The following MXI1 variants were observed in gnomAD, a reference collection of about 807,000 sequenced individuals.
The protein encoded by MXI1 is max-interacting protein 1.
In MXI1, 18 loss-of-function variants were observed where a neutral mutation model predicts 36.9. The ratio of observed to expected loss-of-function variants is 0.49; its 90% confidence interval spans 0.34 to 0.72. MXI1 has a LOEUF of 0.72. MXI1 is among the 30% of genes least tolerant of loss of function. The pLI is 0.01. For synonymous variants in MXI1, 160 were observed against 146.7 expected, an observed-to-expected ratio of 1.09 and a Z score of -0.65; for missense variants, 304 against 379.1, an observed-to-expected ratio of 0.80 and a Z score of 1.64.
At chr10:110,231,362 ACC>A (rs201426609) in intron 2 of MXI1, among the ~76,000 whole-genome samples, 18 of 127,504 alleles carry the variant, frequency 1.4e-4, no homozygotes, top group African/African-American at 2.6e-4. Context: ...GTGATAATCC[ACC>A]CCCCCCCCCT....
chr10:110,253,504 G>GT (rs996038170), intron 3 of MXI1, among the ~76,000 whole-genome samples: 1 of 152,004 alleles, frequency 6.6e-6, no homozygotes, highest in Non-Finnish European at 1.5e-5. Context: ...AAAGGGCATA[G>GT]TTTTTTTACA....
chr10:110,280,100 T>G lies in MXI1; in HGVS notation c.724+15T>G. 6.4e-7 allele frequency: 1 copy of G among 1,567,394 alleles called. No homozygotes were observed. Among genetic ancestry groups the G allele is most frequent in the Non-Finnish European group, 8.6e-7 (1 of 1,157,654 alleles). ...TTCAGAGCGAGGTAGGCAGCTTGCC[T>G]CTTCTCTAATGAAATACTAAACATC... On this transcript the variant is annotated intron_variant, in intron 5 of 5. Transcript: ENST00000332674.
chr10:110,255,216 C>T (rs962097348), intron 3 of MXI1, among the ~76,000 whole-genome samples: 1 of 152,142 alleles, frequency 6.6e-6, no homozygotes, highest in Admixed American at 6.5e-5. Context: ...TGCCTGTGCT[C>T]TGTAAATGGA....
intron 1 of MXI1, among the ~76,000 whole-genome samples, chr10:110,222,350 T>A (rs1203615000): frequency 6.6e-6 from 1 of 152,122 alleles, no homozygotes; most frequent in Non-Finnish European, 1.5e-5. Flanking sequence ...CACAGTAACT[T>A]TGGACTTGTA....
rs16448 is a variant in MXI1, at chr10:110,285,084, TAAAAC to T, written c.*118_*122del. 0.44 allele frequency: 394,354 copies of T among 900,356 alleles called. 107,123 individuals carry two copies. Among genetic ancestry groups the T allele is most frequent in the East Asian group, 0.82 (26,924 of 32,882 alleles). 55.8% of individuals were successfully genotyped at this position (900,356 alleles called of 1,614,324 possible). On this transcript the variant is annotated 3_prime_UTR_variant, in exon 6 of 6. Coordinates refer to ENST00000332674, the MANE Select transcript of MXI1 (RefSeq NM_130439.3). ...TGGGTTCATGATGCAGTCTCCTCTT[TAAAAC>T]AAAACAAAACAAAACAAAACTATAC...
chr10:110,210,641 C>T (rs574957635), intron 1 of MXI1, among the ~76,000 whole-genome samples: 1 of 152,330 alleles, frequency 6.6e-6, no homozygotes, highest in South Asian at 2.1e-4. Flanking sequence ...TATCCCACCC[C>T]CTCTCCTCCC....
In MXI1 at chr10:110,261,684, A is replaced by G. The variant is rs567920403; in HGVS notation, c.437+16827A>G. Among the ~76,000 whole-genome samples, 6 of 152,168 alleles carry G rather than the reference A, an allele frequency of 3.9e-5. No homozygotes were observed. In the South Asian group the frequency reaches 6.2e-4, roughly 16 times the overall value. ...ATATCTCCCATCTCCTAGTCTAAAG[A>G]TATTTCCAGTATACCATTGTGACTC... On this transcript the variant is annotated intron_variant, in intron 3 of 5. Transcript: ENST00000332674.
chr10:110,209,563 T>C (rs1272644217), intron 1 of MXI1, among the ~76,000 whole-genome samples: 2 of 151,982 alleles, frequency 1.3e-5, no homozygotes, highest in Admixed American at 1.3e-4. Context: ...TTCTTTTCTT[T>C]CTCTTCTCGC....
chr10:110,211,396 T>G (rs1220845597), intron 1 of MXI1, among the ~76,000 whole-genome samples: 1 of 152,166 alleles, frequency 6.6e-6, no homozygotes, highest in Non-Finnish European at 1.5e-5. Context: ...GGAGCTGTAG[T>G]GCGGCCAGCT....
rs1857423665 is a variant in MXI1 at position 110,286,282 on chromosome 10, A to T, written c.*1295A>T. On this transcript the variant is annotated 3_prime_UTR_variant, in exon 6 of 6. Coordinates refer to ENST00000332674, the MANE Select transcript of MXI1 (RefSeq NM_130439.3). Reference sequence around the variant, plus strand: ...CTCACAGTCCCACTGTGCAGGTGCTATTGTTACTCTTACGAATATTTTCAG... The same window carrying T: ...CTCACAGTCCCACTGTGCAGGTGCTTTTGTTACTCTTACGAATATTTTCAG... 6.6e-6 allele frequency: 1 copy of T among 152,630 alleles called. No homozygotes were observed. The highest frequency in any genetic ancestry group is 1.9e-4 in the East Asian group (1 of 5,176). The allele number at this position is 152,630 out of a possible 1,614,324, so 9.5% of individuals were successfully genotyped here. A position where few individuals can be genotyped will look rare whatever the true frequency, so the allele number is the denominator to read the frequency against.
intron 1 of MXI1, among the ~76,000 whole-genome samples, chr10:110,209,593 G>T (rs1002460227): frequency 6.6e-6 from 1 of 152,210 alleles, no homozygotes; most frequent in Non-Finnish European, 1.5e-5. Context: ...CGGAGTGCCT[G>T]GGTTGCGAGA....
chr10:110,270,710 A>G (rs1856827528), intron 3 of MXI1, among the ~76,000 whole-genome samples: 1 of 152,032 alleles, frequency 6.6e-6, no homozygotes, highest in Admixed American at 6.6e-5. Context: ...TTGTTTTCCT[A>G]GTCCTAGGCC....
intron 3 of MXI1, chr10:110,261,260 C>G: frequency 1.8e-6 from 1 of 541,372 alleles, no homozygotes; most frequent in Non-Finnish European, 2.4e-6. Context: ...TAGGACATGT[C>G]TACTGTTTAT....
chr10:110,210,366 C>G (rs1854481933), intron 1 of MXI1: 2 of 859,208 alleles, frequency 2.3e-6, no homozygotes, highest in Non-Finnish European at 1.4e-6. Context: ...GGCCGGCTCC[C>G]GGCGGGAGTA....
At chr10:110,274,776 A>T (rs1363684209) in intron 3 of MXI1, among the ~76,000 whole-genome samples, 1 of 151,944 alleles carries the variant, frequency 6.6e-6, no homozygotes, top group Non-Finnish European at 1.5e-5. Flanking sequence ...CATGCCTTTC[A>T]TGAATCGTTA....
In MXI1 at chr10:110,285,256, AT is replaced by A. The variant is rs1316301242; in HGVS notation, c.*273del. ...AATGGCAGCAGAAAACTTGTGTGAAATTTTCTTGATTTGAGTTGATTGAGAA... is the reference window on the plus strand; with the variant it reads ...AATGGCAGCAGAAAACTTGTGTGAAATTTCTTGATTTGAGTTGATTGAGAA... On this transcript the variant is annotated 3_prime_UTR_variant, in exon 6 of 6. Transcript: ENST00000332674. The A allele has an allele frequency of 6.7e-6, 2 of 300,366 alleles. No individual in the cohort carries two copies. The highest frequency in any genetic ancestry group is 1.2e-5 in the Non-Finnish European group (2 of 164,080). The allele number at this position is 300,366 out of a possible 1,614,324, so 18.6% of individuals were successfully genotyped here. A position where few individuals can be genotyped will look rare whatever the true frequency, so the allele number is the denominator to read the frequency against.
chr10:110,250,829 C>CAAA (rs113320766), intron 3 of MXI1, among the ~76,000 whole-genome samples: 2 of 101,704 alleles, frequency 2.0e-5, no homozygotes, highest in African/African-American at 6.8e-5. Context: ...AAGACTTTGT[C>CAAA]AAAAAAAAAA....
chr10:110,220,236 T>C (rs909411483), intron 1 of MXI1, among the ~76,000 whole-genome samples: 1 of 152,174 alleles, frequency 6.6e-6, no homozygotes, highest in African/African-American at 2.4e-5. Flanking sequence ...CTCAGAGGTG[T>C]GCTGAGGATT....
intron 1 of MXI1, among the ~76,000 whole-genome samples, chr10:110,215,284 C>T (rs1274408785): frequency 6.6e-6 from 1 of 152,144 alleles, no homozygotes; most frequent in East Asian, 1.9e-4. Flanking sequence ...TTGTGATCTG[C>T]CCACCTTGAC....
Sources: allele counts gnomAD v4.1 joint callset (sites outside exome capture counted in the v4.1 genomes callset), GRCh38; gene constraint gnomAD v4.1.1; transcripts MANE v1.5; gene names NCBI Gene and HGNC (gene_info 2026-07-23, HGNC 2026-07-21).